TIMP3: variants seen among roughly 807,000 people sequenced by gnomAD.
TIMP3 encodes metalloproteinase inhibitor 3.
In TIMP3, 11 loss-of-function variants were observed where a neutral mutation model predicts 30.0. That is an observed-to-expected ratio of 0.37 (90% CI 0.23 to 0.61). TIMP3 has a LOEUF of 0.61. Among genes scored for constraint, TIMP3 ranks in the 20% least tolerant of loss-of-function variants. The probability of loss-of-function intolerance (pLI) is 0.70; values close to 1 mark genes in which losing one functional copy is unlikely to be tolerated. For synonymous variants in TIMP3, 112 were observed against 111.3 expected, an observed-to-expected ratio of 1.01 and a Z score of -0.04; for missense variants, 181 against 276.8, an observed-to-expected ratio of 0.65 and a Z score of 2.45.
chr22:32,826,660 CT>C (rs2146098878), intron 1 of TIMP3, among the ~76,000 whole-genome samples: 1 of 152,282 alleles, frequency 6.6e-6, no homozygotes, highest in East Asian at 1.9e-4. Context: ...TGACTATTCT[CT>C]TCTCTGAACT....
chr22:32,853,549 A>C (rs1376122958), intron 2 of TIMP3, among the ~76,000 whole-genome samples: 6 of 152,218 alleles, frequency 3.9e-5, no homozygotes, highest in Admixed American at 1.3e-4. Flanking sequence ...GGAAGCTAAC[A>C]TCTTGGAACT....
At chr22:32,823,217 C>A (rs931696443) in intron 1 of TIMP3, among the ~76,000 whole-genome samples, 1 of 152,196 alleles carries the variant, frequency 6.6e-6, no homozygotes, top group Non-Finnish European at 1.5e-5. Flanking sequence ...CTAGGCGCCA[C>A]CTTCTGGCTC....
chr22:32,820,267 C>CGT (rs770967826), intron 1 of TIMP3, among the ~76,000 whole-genome samples: 3 of 143,346 alleles, frequency 2.1e-5, no homozygotes, highest in Non-Finnish European at 3.1e-5. Flanking sequence ...TGTGTGCGTG[C>CGT]GCGTGTGTGT....
chr22:32,827,658 A>G (rs1352921689), intron 1 of TIMP3, among the ~76,000 whole-genome samples: 1 of 152,186 alleles, frequency 6.6e-6, no homozygotes, highest in Admixed American at 6.5e-5. Flanking sequence ...AACTTTAAAA[A>G]ATGTCAGTCA....
chr22:32,842,484 G>T (rs1157970345), intron 1 of TIMP3, among the ~76,000 whole-genome samples: 2 of 152,132 alleles, frequency 1.3e-5, no homozygotes, highest in Non-Finnish European at 2.9e-5. Context: ...GATCCTGGGG[G>T]GATGAGGAAA....
Position 32,859,441 on chromosome 22 carries a change from C to T in TIMP3, c.*64C>T. On this transcript the variant is annotated 3_prime_UTR_variant, in exon 5 of 5. Coordinates refer to ENST00000266085, the MANE Select transcript of TIMP3 (RefSeq NM_000362.5). ...GCTGAGCTTCCCTTGGACACTAACT[C>T]TTCCCAGATGATGACAATGAAATTA... 1.9e-6 allele frequency: 3 copies of T among 1,544,804 alleles called. No individual in the cohort carries two copies. The highest frequency in any genetic ancestry group is 2.6e-6 in the Non-Finnish European group (3 of 1,146,138).
At chr22:32,838,440 C>T (rs2047799399) in intron 1 of TIMP3, among the ~76,000 whole-genome samples, 1 of 152,076 alleles carries the variant, frequency 6.6e-6, no homozygotes, top group South Asian at 2.1e-4. Context: ...GCAAGGAGTG[C>T]CTTGGGTGGA....
At chr22:32,811,096 T>C (rs1235584931) in intron 1 of TIMP3, among the ~76,000 whole-genome samples, 3 of 151,200 alleles carry the variant, frequency 2.0e-5, no homozygotes, top group African/African-American at 7.3e-5. Flanking sequence ...ACTGAGACAG[T>C]TGAAAGGGCA....
chr22:32,808,851 G>T (rs923058342), intron 1 of TIMP3, among the ~76,000 whole-genome samples: 1 of 152,152 alleles, frequency 6.6e-6, no homozygotes, highest in Non-Finnish European at 1.5e-5. Flanking sequence ...TCCCAGAGGG[G>T]ATCATTCCTG....
chr22:32,855,208 C>T (rs2048331370), intron 2 of TIMP3, among the ~76,000 whole-genome samples: 1 of 152,174 alleles, frequency 6.6e-6, no homozygotes, highest in African/African-American at 2.4e-5. Flanking sequence ...GCCCCCGTTA[C>T]CAAATCTCAC....
At chr22:32,858,207 A>G (rs1012655248) in intron 4 of TIMP3, 69 bp downstream of exon 4, 2 of 1,597,250 alleles carry the variant, frequency 1.3e-6, no homozygotes, top group Admixed American at 1.7e-5. Flanking sequence ...ATCAGCTCCC[A>G]ATGCACTGGG....
intron 1 of TIMP3, among the ~76,000 whole-genome samples, chr22:32,832,382 G>A (rs1402040078): frequency 6.6e-6 from 1 of 152,100 alleles, no homozygotes; most frequent in African/African-American, 2.4e-5. Context: ...CCAGTCCAAC[G>A]TGTTCATTTT....
chr22:32,855,810 T>C (rs1021783138), intron 2 of TIMP3, among the ~76,000 whole-genome samples: 7 of 152,174 alleles, frequency 4.6e-5, no homozygotes, highest in African/African-American at 1.7e-4. Flanking sequence ...GGGGCAAAAT[T>C]GCCTCCAGTT....
chr22:32,834,117 C>T (rs2146147626), intron 1 of TIMP3, among the ~76,000 whole-genome samples: 1 of 151,572 alleles, frequency 6.6e-6, no homozygotes, highest in Non-Finnish European at 1.5e-5. Flanking sequence ...CATCTAGGAA[C>T]AGGGGTTGGA....
chr22:32,811,539 T>G (rs1281643489), intron 1 of TIMP3, among the ~76,000 whole-genome samples: 1 of 152,206 alleles, frequency 6.6e-6, no homozygotes, highest in Non-Finnish European at 1.5e-5. Context: ...CCAAATCTAA[T>G]GTGTTCCATT....
Position 32,863,002 on chromosome 22 carries a change from C to A in TIMP3, c.*3625C>A, listed in dbSNP as rs1196390650. On this transcript the variant is annotated 3_prime_UTR_variant, in exon 5 of 5. Transcript: ENST00000266085. ...ATAATGTTCACTTTTTATAGTGTGT[C>A]CTTTATTCTAAACAGTAAAGTGGTT... 6.6e-6 allele frequency: 1 copy of A among 152,608 alleles called. No homozygotes were observed. Among genetic ancestry groups the A allele is most frequent in the African/African-American group, 2.4e-5 (1 of 41,448 alleles). 9.5% of individuals were successfully genotyped at this position (152,608 alleles called of 1,614,324 possible). A position where few individuals can be genotyped will look rare whatever the true frequency, so the allele number is the denominator to read the frequency against.
rs11089595 is a variant in TIMP3, at chr22:32,834,363, G to C, written c.122-15089G>C. ...TTTTTAGTAGAAACGGGGTTCCACC[G>C]TGTTGGCCAGGCTGGTCTCAAACTC... On this transcript the variant is annotated intron_variant, in intron 1 of 4. Coordinates refer to ENST00000266085, the MANE Select transcript of TIMP3 (RefSeq NM_000362.5). Among the ~76,000 whole-genome samples the C allele has an allele frequency of 1.2e-4, 18 of 151,262 alleles. No homozygotes were observed. The East Asian group carries it at 3.5e-3, about 29-fold the overall frequency.
At chr22:32,816,218 G>T (rs938008003) in intron 1 of TIMP3, among the ~76,000 whole-genome samples, 6 of 152,074 alleles carry the variant, frequency 3.9e-5, no homozygotes, top group Admixed American at 3.9e-4. Context: ...GGCGGGGGTA[G>T]GGGGGAGGCC....
chr22:32,849,624 G>A, intron 2 of TIMP3, 90 bp downstream of exon 2: 10 of 1,146,052 alleles, frequency 8.7e-6, no homozygotes, highest in African/African-American at 1.5e-5. Context: ...GGTTGGAACT[G>A]GGGTGTGTGT....
Sources: gnomAD v4.1 joint callset for allele counts (sites outside exome capture counted in the v4.1 genomes callset) on GRCh38, gnomAD v4.1.1 for gene constraint, MANE v1.5 for transcripts, NCBI Gene and HGNC (gene_info 2026-07-23, HGNC 2026-07-21) for gene names.